STON2: variants seen among roughly 807,000 people sequenced by gnomAD.
STON2 encodes stonin-2.
STON2 carries 29 observed loss-of-function variants against 65.7 expected under a neutral mutation model. The ratio of observed to expected loss-of-function variants is 0.44; its 90% CI spans 0.33 to 0.60. The LOEUF is 0.60. Ranked by LOEUF, STON2 falls within the 20% of genes least tolerant of loss-of-function variation. The pLI, the probability that STON2 is intolerant of heterozygous loss-of-function variation, is 0.03. For synonymous variants in STON2, 404 were observed against 414.2 expected (o/e 0.98, Z 0.30); for missense variants, 1,054 against 1,118.1 (o/e 0.94, Z 0.82).
chr14:81,287,570 G>C (rs988576761), intron 5 of STON2, among the ~76,000 whole-genome samples: 1 of 152,088 alleles, frequency 6.6e-6, no homozygotes, highest in Admixed American at 6.5e-5. Flanking sequence ...CTGCCATTAG[G>C]ACAGCCTGAC....
Position 81,267,084 on chromosome 14 carries a change from C to T in STON2, c.*1330G>A. On this transcript the variant is annotated 3_prime_UTR_variant, in exon 8 of 8. Transcript: ENST00000614646. Reference sequence around the variant, plus strand: ...GAGATATTTTTCATTTCTGCATCATCTACAAATCCAATGAAGTGTGCTTTC... The same window carrying T: ...GAGATATTTTTCATTTCTGCATCATTTACAAATCCAATGAAGTGTGCTTTC... The T allele has an allele frequency of 1.0e-6, 1 of 985,212 alleles. No individual in the cohort carries two copies. Among genetic ancestry groups the T allele is most frequent in the Non-Finnish European group, 1.2e-6 (1 of 829,756 alleles). 61.0% of individuals were successfully genotyped at this position (985,212 alleles called of 1,614,324 possible). A position where few individuals can be genotyped will look rare whatever the true frequency, so the allele number is the denominator to read the frequency against.
rs147982692 is a variant in STON2, at chr14:81,434,890, T to G, written c.-310+1431A>C. On this transcript the variant is annotated intron_variant, in intron 1 of 8. Coordinates refer to the STON2 transcript ENST00000553821. ...GCATAGGAAAAAAAACACCTAAAAG[T>G]AGCAACTGCAATTTTAGGTTTCTAT... 1.4e-4 allele frequency among the ~76,000 whole-genome samples: 22 copies of G among 152,312 alleles called. No individual in the cohort carries two copies. In the East Asian group the frequency reaches 4.2e-3, roughly 29 times the overall value.
intron 2 of STON2, among the ~76,000 whole-genome samples, chr14:81,425,222 T>C (rs1167355392): frequency 6.6e-6 from 1 of 152,134 alleles, no homozygotes; most frequent in Non-Finnish European, 1.5e-5. Context: ...ATTTGCTAAG[T>C]GAAATAAAAT....
chr14:81,348,600 A>G (rs1897905843), intron 4 of STON2, among the ~76,000 whole-genome samples: 1 of 152,216 alleles, frequency 6.6e-6, no homozygotes, highest in Admixed American at 6.5e-5. Context: ...ATTGAAGAGG[A>G]CATCAAAAAA....
In STON2 at chr14:81,338,184, C is replaced by T. The variant is rs904336202; in HGVS notation, c.572-13997G>A. On this transcript the variant is annotated intron_variant, in intron 4 of 7. Transcript: ENST00000614646. ...CAACTCTTGGCGGACTTCTGAACAT[C>T]AGGATAGGAGCTGGTTGCCAGGGGA... is the stretch of plus-strand genomic sequence containing the variant. 2.6e-5 allele frequency among the ~76,000 whole-genome samples: 4 copies of T among 152,240 alleles called. No individual in the cohort carries two copies. In the East Asian group the frequency reaches 5.8e-4, roughly 22 times the overall value.
At chr14:81,295,935 G>A (rs1895744648) in intron 5 of STON2, among the ~76,000 whole-genome samples, 1 of 152,180 alleles carries the variant, frequency 6.6e-6, no homozygotes, top group African/African-American at 2.4e-5. Context: ...CCATCATAAT[G>A]TGTGTTTCCT....
chr14:81,316,591 G>GATTA (rs1896629418), intron 5 of STON2, among the ~76,000 whole-genome samples: 1 of 152,148 alleles, frequency 6.6e-6, no homozygotes, highest in East Asian at 1.9e-4. Flanking sequence ...AATCTCAGTT[G>GATTA]GCCATTAGAT....
chr14:81,278,054 T>C lies in STON2; in HGVS notation c.1428A>G (p.Ser476=), dbSNP rs1368116085. 2 of 1,614,226 alleles carry C rather than the reference T, an allele frequency of 1.2e-6. No individual in the cohort carries two copies. Among genetic ancestry groups the C allele is most frequent in the South Asian group, 1.1e-5 (1 of 91,074 alleles). Residue 476 remains serine (S), a synonymous_variant, in exon 6 of 8, where the codon TCA becomes TCG. Coordinates refer to ENST00000614646, the MANE Select transcript of STON2 (RefSeq NM_001394390.1). The part of the protein sequence containing the change: ...WIELDAHPPG[S]ARSQPRDGWP... ...ACCCGTCACGAGGCTGGGACCGTGC[T>C]GATCCAGGCGGGTGAGCATCTAGTT...
chr14:81,401,205 G>C (rs993548172), upstream of STON2, among the ~76,000 whole-genome samples: 9 of 152,212 alleles, frequency 5.9e-5, no homozygotes, highest in Non-Finnish European at 1.3e-4. Flanking sequence ...CTCAGCTACA[G>C]TGCCCAGAAG....
chr14:81,275,520 A>G (rs116128523), intron 6 of STON2, among the ~76,000 whole-genome samples: 3,481 of 152,004 alleles, frequency 0.023, 134 homozygotes, highest in African/African-American at 0.081. Context: ...TCCTCTGTCA[A>G]TTCAGAGGGG....
chr14:81,351,337 A>T (rs1438645896), intron 4 of STON2, among the ~76,000 whole-genome samples: 1 of 152,014 alleles, frequency 6.6e-6, no homozygotes, highest in Non-Finnish European at 1.5e-5. Flanking sequence ...TGAAAACATC[A>T]CTATTGCCCT....
At chr14:81,328,260 TATAGAAGTCTATTAATTAAATGTAA>T (rs1211448535) in intron 4 of STON2, among the ~76,000 whole-genome samples, 2 of 152,326 alleles carry the variant, frequency 1.3e-5, no homozygotes, top group East Asian at 1.9e-4. Flanking sequence ...ATCCTGGGAA[TATAGAAGTCTATTAATTAAATGTAA>T]ATAGAAGTCT....
At chr14:81,430,205 A>C (rs1902171074) in intron 1 of STON2, among the ~76,000 whole-genome samples, 2 of 152,212 alleles carry the variant, frequency 1.3e-5, no homozygotes, top group South Asian at 4.1e-4. Context: ...CTGAATTCAC[A>C]GCACTTGACA....
chr14:81,308,824 A>ATATATATATG (rs1479394128), intron 5 of STON2, among the ~76,000 whole-genome samples: 5 of 10,446 alleles, frequency 4.8e-4, no homozygotes, highest in Non-Finnish European at 7.2e-4. Context: ...ATATATATAT[A>ATATATATATG]TGTGTGTGTG....
chr14:81,379,830 G>C (rs574204920), intron 3 of STON2, among the ~76,000 whole-genome samples: 72 of 152,114 alleles, frequency 4.7e-4, no homozygotes, highest in African/African-American at 1.7e-3. Context: ...CTCTCACTAT[G>C]TATAAAAAAT....
Position 81,262,178 on chromosome 14 carries a change from G to A in STON2, c.*6236C>T. ...TGTCTCAGGAAACTGAAGCCCAATT[G>A]GGAAAACAGCAACTTACTTAACATA... On this transcript the variant is annotated 3_prime_UTR_variant, in exon 8 of 8. Transcript: ENST00000614646. 2 of 985,246 alleles carry A rather than the reference G, an allele frequency of 2.0e-6. No homozygotes were observed. Among genetic ancestry groups the A allele is most frequent in the Non-Finnish European group, 1.2e-6 (1 of 829,828 alleles). The allele number at this position is 985,246 out of a possible 1,614,324, so 61.0% of individuals were successfully genotyped here. A position where few individuals can be genotyped will look rare whatever the true frequency, so the allele number is the denominator to read the frequency against.
chr14:81,269,419 A>G (rs1894483836), intron 7 of STON2: 2 of 985,294 alleles, frequency 2.0e-6, no homozygotes, highest in Admixed American at 6.1e-5. Context: ...AGAAATTAAC[A>G]GATTAATCTT....
chr14:81,371,680 A>AAAAAAAAC (rs1899002244), intron 3 of STON2, among the ~76,000 whole-genome samples: 1 of 150,694 alleles, frequency 6.6e-6, no homozygotes, highest in African/African-American at 2.4e-5. Context: ...TGAGTCTAAA[A>AAAAAAAAC]AAAAAAAAAA....
chr14:81,328,930 T>A (rs538780381), intron 4 of STON2, among the ~76,000 whole-genome samples: 1 of 152,320 alleles, frequency 6.6e-6, no homozygotes, highest in South Asian at 2.1e-4. Flanking sequence ...GCCAGCGCCA[T>A]GCTTCTTGTA....
Sources: allele counts gnomAD v4.1 joint callset (sites outside exome capture counted in the v4.1 genomes callset), GRCh38; gene constraint gnomAD v4.1.1; transcripts MANE v1.5; gene names NCBI Gene and HGNC (gene_info 2026-07-23, HGNC 2026-07-21).